Variants in RSPH1 observed in about 807,000 individuals in gnomAD.
The protein encoded by RSPH1 is radial spoke head component 1.
RSPH1 carries 32 observed loss-of-function variants against 44.2 expected under a neutral mutation model. That is an observed-to-expected ratio of 0.72 (90% CI 0.55 to 0.97). The LOEUF (loss-of-function observed/expected upper bound fraction) is 0.97, where lower values mean the gene tolerates loss of function less well. Ranked by LOEUF, RSPH1 falls within the 50% of genes least tolerant of loss-of-function variation. The probability of loss-of-function intolerance (pLI) is 0.00; values close to 1 mark genes in which losing one functional copy is unlikely to be tolerated. For synonymous variants in RSPH1, 134 were observed against 147.3 expected, an observed-to-expected ratio of 0.91 and a Z score of 0.65; for missense variants, 391 against 398.7, an observed-to-expected ratio of 0.98 and a Z score of 0.16.
chr21:42,477,225 C>CCTCCACT lies in RSPH1; in HGVS notation c.727+65_727+66insAGTGGAG, dbSNP rs58885682. On this transcript the variant is annotated intron_variant, in intron 7 of 8. Transcript: ENST00000291536. ...CCCGGGGATGCCCCACACCCTCTGT[C>CCTCCACT]CCACAGCCCGGGGGTGCCCCACACC... is the stretch of plus-strand genomic sequence containing the variant. 3 of 37,964 alleles carry CCTCCACT rather than the reference C, an allele frequency of 7.9e-5. 1 individual carries two copies. The African/African-American group carries it at 1.7e-3, about 21-fold the overall frequency. The allele number at this position is 37,964 out of a possible 1,614,324, so 2.4% of individuals were successfully genotyped here.
chr21:42,492,660 T>C, intron 3 of RSPH1, 98 bp downstream of exon 3: 1 of 714,358 alleles, frequency 1.4e-6, no homozygotes, highest in South Asian at 1.7e-5. Context: ...TGGAGAACTT[T>C]AAGCTTTCTC....
At chr21:42,481,624 T>C (rs1029204865) in intron 6 of RSPH1, among the ~76,000 whole-genome samples, 1 of 152,180 alleles carries the variant, frequency 6.6e-6, no homozygotes, top group Non-Finnish European at 1.5e-5. Flanking sequence ...GATTCCACAC[T>C]CCTCCTTAAA....
At chr21:42,481,915 A>G (rs2054131389) in intron 6 of RSPH1, among the ~76,000 whole-genome samples, 1 of 152,232 alleles carries the variant, frequency 6.6e-6, no homozygotes, top group Admixed American at 6.5e-5. Flanking sequence ...AGGAAAAAAC[A>G]AGAGAAAGAC....
At chr21:42,480,640 C>CAAAAAAAAAAA (rs780506820) in intron 6 of RSPH1, among the ~76,000 whole-genome samples, 2 of 38,746 alleles carry the variant, frequency 5.2e-5, no homozygotes, top group African/African-American at 1.9e-4. Flanking sequence ...AACTCCATCT[C>CAAAAAAAAAAA]AAAAAAAAAA....
intron 3 of RSPH1, among the ~76,000 whole-genome samples, chr21:42,488,679 TC>T (rs1372454705): frequency 3.3e-5 from 5 of 152,102 alleles, no homozygotes; most frequent in African/African-American, 1.2e-4. Context: ...TTTTTTAAAG[TC>T]CCAATCTACT....
chr21:42,495,640 T>C (rs946081183), intron 1 of RSPH1, among the ~76,000 whole-genome samples: 1 of 152,180 alleles, frequency 6.6e-6, no homozygotes, highest in African/African-American at 2.4e-5. Context: ...TAAGGTAATA[T>C]CTTCAGGAAC....
intron 1 of RSPH1, among the ~76,000 whole-genome samples, chr21:42,495,524 G>T (rs2054279074): frequency 6.6e-6 from 1 of 152,218 alleles, no homozygotes; most frequent in East Asian, 1.9e-4. Context: ...CTCACAGGCT[G>T]GATGTGCCCT....
chr21:42,475,232 C>T (rs1017248061), intron 8 of RSPH1, among the ~76,000 whole-genome samples: 9 of 152,110 alleles, frequency 5.9e-5, no homozygotes, highest in African/African-American at 2.2e-4. Flanking sequence ...ACATCCAAAC[C>T]CATTGAAAAA....
Position 42,476,039 on chromosome 21 carries a change from C to T in RSPH1, c.736G>A (p.Glu246Lys). The change falls in exon 8 of 9, where the codon GAA becomes AAA. Residue 246 changes from glutamate to lysine, a missense_variant. By Grantham distance (56) the Glu-to-Lys change is moderately conservative. Transcript: ENST00000291536. ...AGAGCCTGGGCCTCCTCCCCGGGTT[C>T]TCCTGCACCTGAGATAAAACACAAG... ...QDAPGAESAG[E>K]PGEEAQALLE... The T allele has an allele frequency of 1.2e-6, 2 of 1,613,762 alleles. No homozygotes were observed. The highest frequency in any genetic ancestry group is 1.7e-6 in the Non-Finnish European group (2 of 1,179,914).
rs7283383 is a variant in RSPH1 at position 42,493,311 on chromosome 21, G to A, written c.55-232C>T. 0.8 allele frequency among the ~76,000 whole-genome samples: 121,031 copies of A among 152,198 alleles called. 48,709 individuals are homozygous for A. Among genetic ancestry groups the A allele is most frequent in the Admixed American group, 0.83 (12,659 of 15,304 alleles). ...AGCACATGTCCAGGGCGGAAGCCTC[G>A]TTCCCTCCCTCCAACACAGAGCTTG... On this transcript the variant is annotated intron_variant, in intron 1 of 8. Transcript: ENST00000291536.
chr21:42,487,166 G>A (rs1184648389), intron 3 of RSPH1, among the ~76,000 whole-genome samples: 3 of 152,112 alleles, frequency 2.0e-5, no homozygotes, highest in Non-Finnish European at 2.9e-5. Context: ...ACTGAAATTG[G>A]CAAGGATATC....
chr21:42,489,785 G>C (rs1436131625), intron 3 of RSPH1, among the ~76,000 whole-genome samples: 3 of 152,206 alleles, frequency 2.0e-5, no homozygotes, highest in African/African-American at 7.2e-5. Context: ...CAGCTGGTGG[G>C]TAGCAAGACT....
Position 42,486,381 on chromosome 21 carries a change from C to T in RSPH1, c.355G>A (p.Ala119Thr), listed in dbSNP as rs752555570. Residue 119 changes from alanine to threonine, a missense_variant, in exon 4 of 9, where the codon GCT (alanine) becomes ACT (threonine). Ala to Thr is a moderately conservative substitution (Grantham distance 58). Coordinates refer to ENST00000291536, the MANE Select transcript of RSPH1 (RefSeq NM_080860.4). Reference protein sequence around the residue: ...NNDTYTGEWFAHQRHGQGTYL... With the variant: ...NNDTYTGEWFTHQRHGQGTYL... Reference sequence around the variant, plus strand: ...AGATAGAAACCGAACCTTTGATGAGCAAACCACTCTCCAGTGTAGGTGTCA... The same window carrying T: ...AGATAGAAACCGAACCTTTGATGAGTAAACCACTCTCCAGTGTAGGTGTCA... 3 of 1,613,330 alleles carry T rather than the reference C, an allele frequency of 1.9e-6. No individual in the cohort carries two copies. The highest frequency in any genetic ancestry group is 2.5e-6 in the Non-Finnish European group (3 of 1,179,256).
At chr21:42,486,654 T>A (rs935851152) in intron 3 of RSPH1, among the ~76,000 whole-genome samples, 193 bp from the exon 4 acceptor site, 1 of 152,190 alleles carries the variant, frequency 6.6e-6, no homozygotes, top group African/African-American at 2.4e-5. Flanking sequence ...AAGGCTGCTA[T>A]CTGTTTCCAC....
intron 3 of RSPH1, among the ~76,000 whole-genome samples, chr21:42,490,892 T>C (rs1375267419): frequency 6.6e-6 from 1 of 152,148 alleles, no homozygotes; most frequent in Non-Finnish European, 1.5e-5. Flanking sequence ...GGGCCAGAGA[T>C]TAAGCTCTGT....
intron 1 of RSPH1, among the ~76,000 whole-genome samples, chr21:42,494,787 C>G (rs1220309156): frequency 6.6e-6 from 1 of 151,556 alleles, no homozygotes; most frequent in African/African-American, 2.4e-5. Context: ...GCAACCTCTG[C>G]CTCCCGGGTT....
Position 42,492,990 on chromosome 21 carries a change from G to C in RSPH1, c.144C>G (p.Tyr48Ter). Residue 48 changes from tyrosine to a stop codon, truncating the protein, a stop_gained, in exon 2 of 9, where the codon TAC becomes TAG. Transcript: ENST00000291536. LOFTEE classifies it high-confidence loss of function. ...CCTGGCCATGTCTTTTACCGAATTCGTAGCTCCCTTCGTAGGTGTCCCCGT... is the reference window on the plus strand; with the variant it reads ...CCTGGCCATGTCTTTTACCGAATTCCTAGCTCCCTTCGTAGGTGTCCCCGT... ...LPNGDTYEGSYEFGKRHGQGI... is the reference protein window; with the variant it reads ...LPNGDTYEGS 1 of 1,614,072 alleles carries C rather than the reference G, an allele frequency of 6.2e-7. No individual in the cohort carries two copies. The highest frequency in any genetic ancestry group is 8.5e-7 in the Non-Finnish European group (1 of 1,179,984).
chr21:42,484,689 G>A (rs2054160969), intron 5 of RSPH1: 1 of 152,108 alleles, frequency 6.6e-6, no homozygotes, highest in South Asian at 2.1e-4. Flanking sequence ...CGATTTTTCA[G>A]ACTGGTTTAG....
chr21:42,482,647 A>C lies in RSPH1; in HGVS notation c.563T>G (p.Leu188Ter), dbSNP rs727503394. 2.5e-6 allele frequency: 4 copies of C among 1,611,782 alleles called. No individual in the cohort carries two copies. Among genetic ancestry groups the C allele is most frequent in the Admixed American group, 1.7e-5 (1 of 59,654 alleles). Residue 188 changes from leucine to a stop codon, truncating the protein, a stop_gained, in exon 6 of 9, where the codon TTA (leucine) becomes TGA (stop). Transcript: ENST00000291536. LOFTEE classifies it high-confidence loss of function. The stretch of plus-strand genomic sequence containing the variant: ...TGCTCCGCAACTTACCATATCTGTT[A>C]AACGATATTCACCATGTTGTTCACA... ...VGCEQHGEYR[L>*]TDMERGEEEE...
Sources: allele counts gnomAD v4.1 joint callset (sites outside exome capture counted in the v4.1 genomes callset), GRCh38; gene constraint gnomAD v4.1.1; transcripts MANE v1.5; gene names NCBI Gene and HGNC (gene_info 2026-07-23, HGNC 2026-07-21).